The following UGGT2 variants were observed in gnomAD, a reference collection of about 807,000 sequenced individuals.
UGGT2 encodes UDP-glucose glycoprotein glucosyltransferase 2.
Under a neutral mutation model 192.1 loss-of-function variants are expected in UGGT2, and 180 were observed. The ratio of observed to expected loss-of-function variants is 0.94; its 90% confidence interval spans 0.83 to 1.06. The LOEUF (loss-of-function observed/expected upper bound fraction) is 1.06. UGGT2 is among the 50% of genes least tolerant of loss of function. UGGT2 has a pLI of 0.00. For synonymous variants in UGGT2, 580 were observed against 591.0 expected, an observed-to-expected ratio of 0.98 and a Z score of 0.27; for missense variants, 1,849 against 1,795.7, an observed-to-expected ratio of 1.03 and a Z score of -0.54.
intron 38 of UGGT2, among the ~76,000 whole-genome samples, chr13:95,830,327 G>A (rs189614514): frequency 1.4e-4 from 21 of 152,106 alleles, no homozygotes; most frequent in African/African-American, 2.9e-4. Flanking sequence ...AGAAACTATC[G>A]TCAGAGTGAG....
chr13:95,869,885 G>T (rs1020813570), intron 29 of UGGT2, among the ~76,000 whole-genome samples: 3 of 152,094 alleles, frequency 2.0e-5, no homozygotes, highest in African/African-American at 4.8e-5. Context: ...CAAAATGAAA[G>T]AATTCACTGT....
chr13:96,026,375 T>C lies in UGGT2; in HGVS notation c.242-2616A>G, dbSNP rs193130527. Among the ~76,000 whole-genome samples the C allele has an allele frequency of 1.4e-4, 21 of 152,264 alleles. No homozygotes were observed. In the East Asian group the frequency reaches 3.7e-3, roughly 27 times the overall value. ...GCATAAAGTCTGATTGTGAGCTCTA[T>C]ACCATCTCTACATCAATTCACAAAG... is the stretch of plus-strand genomic sequence containing the variant. On this transcript the variant is annotated intron_variant, in intron 2 of 38. Coordinates refer to ENST00000376747, the MANE Select transcript of UGGT2 (RefSeq NM_020121.4).
Position 96,013,355 on chromosome 13 carries a change from T to C in UGGT2, c.612A>G (p.Glu204=), listed in dbSNP as rs1453671985. 4 of 1,608,410 alleles carry C rather than the reference T, an allele frequency of 2.5e-6. No homozygotes were observed. The highest frequency in any genetic ancestry group is 2.2e-5 in the East Asian group (1 of 44,568). ...ACAGAATTTCCTCATTTTGAGCTTT[T>C]TCAGACAATACTTTGTGAAATGCAC... ...TFSAFHKVLS[E]KAQNEEILYV... is the part of the protein sequence containing the mutation. Residue 204 remains glutamate, a synonymous_variant, in exon 5 of 39, where the codon GAA becomes GAG. Transcript: ENST00000376747.
At chr13:95,891,205 A>G (rs1472165603) in intron 24 of UGGT2, among the ~76,000 whole-genome samples, 1 of 152,172 alleles carries the variant, frequency 6.6e-6, no homozygotes, top group Non-Finnish European at 1.5e-5. Flanking sequence ...AAAGCCTTTC[A>G]AAGAATGATC....
intron 5 of UGGT2, among the ~76,000 whole-genome samples, chr13:96,010,310 C>T (rs1286549213): frequency 6.6e-6 from 1 of 152,156 alleles, no homozygotes; most frequent in Non-Finnish European, 1.5e-5. Context: ...ACAGTGCATG[C>T]CGGGCTTAAT....
At chr13:96,037,262 G>A (rs912539340) in intron 1 of UGGT2, among the ~76,000 whole-genome samples, 44 of 152,174 alleles carry the variant, frequency 2.9e-4, no homozygotes, top group Admixed American at 2.6e-3. Context: ...GCAGTGGTGC[G>A]ATCTTGACTC....
chr13:95,858,301 C>A (rs961763966), intron 33 of UGGT2, among the ~76,000 whole-genome samples: 1 of 151,878 alleles, frequency 6.6e-6, no homozygotes, highest in Admixed American at 6.6e-5. Context: ...AGAATGTCTA[C>A]GTTTACCTGC....
intron 5 of UGGT2, among the ~76,000 whole-genome samples, chr13:96,001,535 C>A (rs2139019116): frequency 6.6e-6 from 1 of 152,308 alleles, no homozygotes; most frequent in East Asian, 1.9e-4. Flanking sequence ...GGTCTCTTCA[C>A]ACGGACGCGC....
chr13:96,016,618 T>C (rs868441105), intron 4 of UGGT2, among the ~76,000 whole-genome samples: 27 of 152,288 alleles, frequency 1.8e-4, no homozygotes, highest in Admixed American at 3.9e-4. Context: ...GAGGCCTCCA[T>C]CTAGATTTCA....
At chr13:95,865,823 G>T (rs1890604770) in intron 30 of UGGT2, among the ~76,000 whole-genome samples, 1 of 152,066 alleles carries the variant, frequency 6.6e-6, no homozygotes, top group African/African-American at 2.4e-5. Context: ...ATTCCATTTA[G>T]TTTACTTTTA....
At chr13:95,961,201 C>A (rs2050381444) in intron 12 of UGGT2, among the ~76,000 whole-genome samples, 2 of 151,876 alleles carry the variant, frequency 1.3e-5, no homozygotes, top group African/African-American at 4.8e-5. Flanking sequence ...AGAGAACACA[C>A]AAAATAAACA....
chr13:95,838,312 T>A (rs917001211), intron 36 of UGGT2, among the ~76,000 whole-genome samples: 5 of 152,102 alleles, frequency 3.3e-5, no homozygotes, highest in Admixed American at 6.6e-5. Flanking sequence ...AACACTGAAA[T>A]ACATGAAGAG....
rs2049988028 is a variant in UGGT2 at position 95,949,447 on chromosome 13, T to C, written c.1343A>G (p.Asn448Ser). The C allele has an allele frequency of 6.7e-7, 1 of 1,499,042 alleles. No homozygotes were observed. The highest frequency in any genetic ancestry group is 8.9e-7 in the Non-Finnish European group (1 of 1,118,886). The allele number at this position is 1,499,042 out of a possible 1,614,324, so 92.9% of individuals were successfully genotyped here. The change falls in exon 13 of 39, where the codon AAT (asparagine) becomes AGT (serine). Residue 448 changes from asparagine (N) to serine (S), a missense_variant. Coordinates refer to ENST00000376747, the MANE Select transcript of UGGT2 (RefSeq NM_020121.4). ...DIRHSSIMWI[N>S]DLENDDLYIT... Reference sequence around the variant, plus strand: ...ATACAAATCATCATTTTCTAAGTCATTAATCCACTAGAAAAGAACGCAGAC... The same window carrying C: ...ATACAAATCATCATTTTCTAAGTCACTAATCCACTAGAAAAGAACGCAGAC...
intron 15 of UGGT2, among the ~76,000 whole-genome samples, chr13:95,943,233 C>T (rs1423964822): frequency 6.6e-6 from 1 of 151,912 alleles, no homozygotes; most frequent in Non-Finnish European, 1.5e-5. Context: ...CACAAAAATC[C>T]CCAAAATTCC....
At chr13:95,932,174 T>G (rs906559622) in intron 17 of UGGT2, among the ~76,000 whole-genome samples, 1 of 152,224 alleles carries the variant, frequency 6.6e-6, no homozygotes, top group Non-Finnish European at 1.5e-5. Flanking sequence ...GTTAACAATA[T>G]TTAGTCTTCC....
At chr13:95,852,667 AG>A (rs937357725) in intron 36 of UGGT2, among the ~76,000 whole-genome samples, 4 of 152,246 alleles carry the variant, frequency 2.6e-5, no homozygotes, top group African/African-American at 9.6e-5. Context: ...AAGAAAAAAG[AG>A]TCTTTTGCTT....
intron 1 of UGGT2, among the ~76,000 whole-genome samples, chr13:96,049,154 CTGGGA>C (rs1460217085): frequency 6.6e-6 from 1 of 152,174 alleles, no homozygotes; most frequent in Admixed American, 6.5e-5. Flanking sequence ...GGCTTCATCC[CTGGGA>C]TGCAAGGCTG....
Position 95,925,764 on chromosome 13 carries a change from T to C in UGGT2, c.2211A>G (p.Ile737Met), listed in dbSNP as rs774947033. 2 of 1,542,252 alleles carry C rather than the reference T, an allele frequency of 1.3e-6. No homozygotes were observed. The change falls in exon 20 of 39, where the codon ATA (isoleucine) becomes ATG (methionine). Residue 737 changes from isoleucine to methionine, a missense_variant. Transcript: ENST00000376747. ...MYYLTQDDES[I>M]ISAVTLWIIA... The stretch of plus-strand genomic sequence containing the variant: ...TAATCCAGAGAGTGACTGCAGAAAT[T>C]ATACTCTCATCTGAAAGTTTCAAAC...
chr13:95,946,588 C>T (rs1267289077), intron 15 of UGGT2, among the ~76,000 whole-genome samples: 1 of 152,012 alleles, frequency 6.6e-6, no homozygotes, highest in East Asian at 1.9e-4. Context: ...CTATGCTGGT[C>T]TCGAGCTGCT....
Sources: allele counts gnomAD v4.1 joint callset (sites outside exome capture counted in the v4.1 genomes callset), GRCh38; gene constraint gnomAD v4.1.1; transcripts MANE v1.5; gene names NCBI Gene and HGNC (gene_info 2026-07-23, HGNC 2026-07-21).